MCM3AP: variants seen among roughly 807,000 people sequenced by gnomAD.
MCM3AP encodes the protein germinal-center associated nuclear protein.
Under a neutral mutation model 184.1 loss-of-function variants are expected in MCM3AP, and 126 were observed. That is an observed-to-expected ratio of 0.68 (90% CI 0.59 to 0.79). The LOEUF (loss-of-function observed/expected upper bound fraction) is 0.79. Among genes scored for constraint, MCM3AP ranks in the 30% least tolerant of loss-of-function variants. The probability of loss-of-function intolerance (pLI) is 0.00; values close to 1 mark genes in which losing one functional copy is unlikely to be tolerated. For missense variants in MCM3AP, 2,496 were observed against 2,479.2 expected (o/e 1.01, Z -0.14); for synonymous variants, 1,002 against 979.3 (o/e 1.02, Z -0.43).
At chr21:46,279,030 G>A (rs929069536) in intron 4 of MCM3AP, among the ~76,000 whole-genome samples, 1 of 151,010 alleles carries the variant, frequency 6.6e-6, no homozygotes, top group Admixed American at 6.6e-5. Context: ...ACTGCTGAAA[G>A]TGATTATTAG....
Position 46,280,525 on chromosome 21 carries a change from C to A in MCM3AP, c.1494G>T (p.Met498Ile), listed in dbSNP as rs1356909635. ...TTTTCTTCCTGTGCCAAAAGATAGC[C>A]ATGTCTTTATGCAAACTTTTCCCCT... is the stretch of plus-strand genomic sequence containing the variant. ...RKKGKSLHKDMAIFWHRKKIS... is the reference protein window; with the variant it reads ...RKKGKSLHKDIAIFWHRKKIS... The change falls in exon 3 of 28, where the codon ATG (methionine) becomes ATT (isoleucine). Residue 498 changes from methionine to isoleucine, a missense_variant. Met to Ile is a conservative substitution (Grantham distance 10). Coordinates refer to ENST00000291688, the MANE Select transcript of MCM3AP (RefSeq NM_003906.5). The A allele has an allele frequency of 1.9e-6, 3 of 1,612,374 alleles. No homozygotes were observed. In the South Asian group the frequency reaches 3.3e-5, roughly 18 times the overall value.
Position 46,273,460 on chromosome 21 carries a change from G to T in MCM3AP, c.2124C>A (p.Ile708=), listed in dbSNP as rs760095306. Residue 708 remains isoleucine (I), a synonymous_variant, in exon 7 of 28, where the codon ATC becomes ATA. Transcript: ENST00000291688. Reference sequence around the variant, plus strand: ...GCAGGCTGCCCTCCTTCTGGTCCATGATCTGGGTCACCAGGTAGTCCATGG... The same window carrying T: ...GCAGGCTGCCCTCCTTCTGGTCCATTATCTGGGTCACCAGGTAGTCCATGG... The part of the protein sequence containing the change: ...SRTMDYLVTQ[I]MDQKEGSLRD... 6.2e-7 allele frequency: 1 copy of T among 1,613,978 alleles called. No homozygotes were observed. Among genetic ancestry groups the T allele is most frequent in the South Asian group, 1.1e-5 (1 of 91,078 alleles).
At chr21:46,280,754 G>A (rs912817539) in intron 2 of MCM3AP, among the ~76,000 whole-genome samples, 179 bp from the exon 3 acceptor site, 8 of 151,904 alleles carry the variant, frequency 5.3e-5, no homozygotes, top group African/African-American at 1.7e-4. Flanking sequence ...TCTGGCTGCG[G>A]CAGCAGCAGT....
chr21:46,264,697 C>T (rs1010823020), intron 12 of MCM3AP, among the ~76,000 whole-genome samples: 1 of 152,220 alleles, frequency 6.6e-6, no homozygotes, highest in Non-Finnish European at 1.5e-5. Context: ...GGGGCTCACC[C>T]ACCCCCAGGC....
At chr21:46,274,526 G>A (rs1408666535) in intron 6 of MCM3AP, among the ~76,000 whole-genome samples, 3 of 151,896 alleles carry the variant, frequency 2.0e-5, no homozygotes, top group Admixed American at 2.0e-4. Flanking sequence ...CCCTAACAAA[G>A]GAAAATGTTC....
In MCM3AP at chr21:46,244,874, G is replaced by A; in HGVS notation, c.4971C>T (p.His1657=). The change falls in exon 23 of 28, where the codon CAC becomes CAT. Residue 1657 remains histidine (H), a synonymous_variant. Coordinates refer to ENST00000291688, the MANE Select transcript of MCM3AP (RefSeq NM_003906.5). ...GCACAGCCTGCTTCAGCCAGGCCAG[G>A]TGCTCTGGGGCATTCCAGTGCAGGT... ...LPHLHWNAPE[H]LAWLKQAVLG... 1 of 1,614,210 alleles carries A rather than the reference G, an allele frequency of 6.2e-7. No homozygotes were observed. The highest frequency in any genetic ancestry group is 8.5e-7 in the Non-Finnish European group (1 of 1,180,032).
chr21:46,262,160 A>G (rs368961826), intron 13 of MCM3AP, among the ~76,000 whole-genome samples: 1 of 152,342 alleles, frequency 6.6e-6, no homozygotes, highest in East Asian at 1.9e-4. Flanking sequence ...ATAACTAGTA[A>G]GGAGACTTCC....
At chr21:46,275,866 A>G (rs2839192) in intron 5 of MCM3AP, among the ~76,000 whole-genome samples, 17,565 of 152,258 alleles carry the variant, frequency 0.12, 2,792 homozygotes, top group African/African-American at 0.36. Flanking sequence ...GTAAACTGCT[A>G]TTACACTTAA....
rs1390602833 is a variant in MCM3AP, at chr21:46,243,672, G to A, written c.5089C>T (p.Pro1697Ser). Reference sequence around the variant, plus strand: ...ACAGGCTGTGTCTGGCGTGAGCTGGGGATCTGGGAGGCGTACTGGACAACC... The same window carrying A: ...ACAGGCTGTGTCTGGCGTGAGCTGGAGATCTGGGAGGCGTACTGGACAACC... ...SMVVQYASQI[P>S]SSRQTQPVLQ... The change falls in exon 24 of 28, where the codon CCC (proline) becomes TCC (serine). Residue 1697 changes from proline to serine, a missense_variant. Coordinates refer to ENST00000291688, the MANE Select transcript of MCM3AP (RefSeq NM_003906.5). 2 of 1,614,198 alleles carry A rather than the reference G, an allele frequency of 1.2e-6. No individual in the cohort carries two copies. Among genetic ancestry groups the A allele is most frequent in the South Asian group, 2.2e-5 (2 of 91,086 alleles).
Position 46,273,602 on chromosome 21 carries a change from G to A in MCM3AP, c.1999-17C>T, listed in dbSNP as rs376056245. The A allele has an allele frequency of 2.2e-5, 35 of 1,610,012 alleles. No homozygotes were observed. Among genetic ancestry groups the A allele is most frequent in the Admixed American group, 6.7e-5 (4 of 59,872 alleles). ...GTGGTCCACCTAGAGACATGAAGCC[G>A]AGACAGGATGCCCATGTGGCATACC... On this transcript the variant is annotated splice_polypyrimidine_tract_variant and intron_variant, in intron 6 of 27. Transcript: ENST00000291688.
intron 14 of MCM3AP, 129 bp downstream of exon 14, chr21:46,261,151 G>A (rs2081036273): frequency 2.5e-6 from 3 of 1,206,420 alleles, no homozygotes; most frequent in East Asian, 2.3e-5. Context: ...GCATAGGAGG[G>A]CATGAGTGGG....
intron 14 of MCM3AP, among the ~76,000 whole-genome samples, 171 bp downstream of exon 14, chr21:46,261,109 C>T (rs2081035694): frequency 6.6e-6 from 1 of 152,122 alleles, no homozygotes; most frequent in African/African-American, 2.4e-5. Flanking sequence ...GTAGGTGTGG[C>T]CTGAGGAGCT....
intron 26 of MCM3AP, 81 bp from the exon 27 acceptor site, chr21:46,237,060 A>T (rs894184020): frequency 1.4e-6 from 1 of 734,950 alleles, no homozygotes; most frequent in Admixed American, 3.4e-5. Flanking sequence ...ATATATACTT[A>T]AAAACTTTTT....
chr21:46,285,301 A>G lies in MCM3AP; in HGVS notation c.-15T>C. ...GTTGGGTTCATCTTCTGCTCCAATTATTAGAAGGTAATTAAGTATTATGTG... is the reference window on the plus strand; with the variant it reads ...GTTGGGTTCATCTTCTGCTCCAATTGTTAGAAGGTAATTAAGTATTATGTG... On this transcript the variant is annotated 5_prime_UTR_variant, in exon 1 of 28. Transcript: ENST00000291688. 6.4e-7 allele frequency: 1 copy of G among 1,564,552 alleles called. No individual in the cohort carries two copies. Among genetic ancestry groups the G allele is most frequent in the Non-Finnish European group, 8.8e-7 (1 of 1,137,172 alleles).
chr21:46,255,519 A>C (rs2080937813), intron 17 of MCM3AP, among the ~76,000 whole-genome samples: 1 of 152,138 alleles, frequency 6.6e-6, no homozygotes, highest in African/African-American at 2.4e-5. Flanking sequence ...GAGAACTGCC[A>C]TGCCCTCGGT....
At chr21:46,243,763 A>G (rs777920874) in intron 23 of MCM3AP, 41 bp from the exon 24 acceptor site, 1 of 1,599,742 alleles carries the variant, frequency 6.3e-7, no homozygotes, top group African/African-American at 1.3e-5. Flanking sequence ...TTTGGCCAAA[A>G]TACAGGTGAA....
Position 46,256,848 on chromosome 21 carries a change from G to T in MCM3AP, c.3873C>A (p.Asn1291Lys), listed in dbSNP as rs1041248474. 3.8e-6 allele frequency: 6 copies of T among 1,576,164 alleles called. No individual in the cohort carries two copies. The highest frequency in any genetic ancestry group is 1.3e-5 in the African/African-American group (1 of 74,296). Residue 1291 changes from asparagine to lysine, a missense_variant, in exon 17 of 28, where the codon AAC (asparagine) becomes AAA (lysine). Asn to Lys is a moderately conservative substitution (Grantham distance 94). Coordinates refer to ENST00000291688, the MANE Select transcript of MCM3AP (RefSeq NM_003906.5). ...PSAECPIAEE[N>K]LARGLLDLGH... ...CCAGGTCCAGGAGGCCCCTGGCCAG[G>T]TTCTCTTCAGCAATGGGGCACTCTG...
intron 2 of MCM3AP, among the ~76,000 whole-genome samples, chr21:46,281,107 C>G (rs545654477): frequency 2.0e-4 from 30 of 151,950 alleles, no homozygotes; most frequent in Admixed American, 1.5e-3. Flanking sequence ...CGCCCGGCCC[C>G]TTTTTTTTAA....
intron 26 of MCM3AP, among the ~76,000 whole-genome samples, chr21:46,238,928 C>T (rs1027549222): frequency 4.6e-5 from 7 of 152,098 alleles, no homozygotes; most frequent in Non-Finnish European, 8.8e-5. Flanking sequence ...GAACACATAA[C>T]AAGAGAAACA....
Sources: gnomAD v4.1 joint callset for allele counts (sites outside exome capture counted in the v4.1 genomes callset) on GRCh38, gnomAD v4.1.1 for gene constraint, MANE v1.5 for transcripts, NCBI Gene and HGNC (gene_info 2026-07-23, HGNC 2026-07-21) for gene names.